Variants in GNAL observed in about 807,000 individuals in gnomAD.
GNAL encodes guanine nucleotide-binding protein G(olf) subunit alpha.
GNAL carries 18 observed loss-of-function variants against 55.1 expected under a neutral mutation model. The ratio of observed to expected loss-of-function variants is 0.33; its 90% CI spans 0.23 to 0.48. The LOEUF is 0.48. GNAL is among the 20% of genes least tolerant of loss of function. The probability of loss-of-function intolerance (pLI) is 0.99; values close to 1 mark genes in which losing one functional copy is unlikely to be tolerated. For missense variants in GNAL, 412 were observed against 614.1 expected (o/e 0.67, Z 3.48); for synonymous variants, 253 against 237.0 (o/e 1.07, Z -0.62).
chr18:11,836,918 C>A (rs1184366378), intron 5 of GNAL, among the ~76,000 whole-genome samples: 1 of 152,180 alleles, frequency 6.6e-6, no homozygotes, highest in African/African-American at 2.4e-5. Context: ...ACATCTCCAT[C>A]CACTTCATAT....
chr18:11,868,543 A>G lies in GNAL; in HGVS notation c.911A>G (p.Asp304Gly). The change falls in exon 9 of 12, where the codon GAT (aspartate) becomes GGT (glycine). Residue 304 changes from aspartate to glycine, a missense_variant and splice_region_variant. Asp to Gly is a moderately conservative substitution (Grantham distance 94). Transcript: ENST00000334049. The surrounding 1 kb of genome is among the most constrained non-coding windows in gnomAD (Gnocchi z 4.0). Reference protein sequence around the residue: ...ERRKWIQCFNDVTAIIYVAAC... With the variant: ...ERRKWIQCFNGVTAIIYVAAC... ...TGCTTTCCTTTTTCTCCCCACCAAG[A>G]TGTCACAGCTATCATTTACGTCGCA... 6.2e-7 allele frequency: 1 copy of G among 1,609,100 alleles called. No individual in the cohort carries two copies. Among genetic ancestry groups the G allele is most frequent in the Non-Finnish European group, 8.5e-7 (1 of 1,178,202 alleles).
intron 5 of GNAL, among the ~76,000 whole-genome samples, chr18:11,860,470 T>C (rs958834810): frequency 1.3e-5 from 2 of 152,220 alleles, no homozygotes; most frequent in Non-Finnish European, 1.5e-5. Flanking sequence ...ACTTCCCTCT[T>C]TCCCATTAGG....
At chr18:11,722,055 A>G (rs1332992732) in intron 1 of GNAL, among the ~76,000 whole-genome samples, 2 of 152,198 alleles carry the variant, frequency 1.3e-5, no homozygotes, top group African/African-American at 4.8e-5. Context: ...CATCGGTGTT[A>G]ACATCACTAG....
intron 4 of GNAL, among the ~76,000 whole-genome samples, chr18:11,812,791 C>T (rs1598481576): frequency 6.6e-6 from 1 of 151,526 alleles, no homozygotes; most frequent in Non-Finnish European, 1.5e-5. Context: ...TGTAGTGAGC[C>T]GAGCTCGCAC....
intron 5 of GNAL, among the ~76,000 whole-genome samples, chr18:11,826,512 A>G (rs9959605): frequency 0.3 from 46,250 of 152,088 alleles, 8,405 homozygotes; most frequent in African/African-American, 0.51. Flanking sequence ...AGCTACAGCA[A>G]CCAGCCATCC....
At chr18:11,877,528 T>TTATC (rs775420100) in intron 11 of GNAL, among the ~76,000 whole-genome samples, 3 of 152,188 alleles carry the variant, frequency 2.0e-5, no homozygotes, top group Non-Finnish European at 4.4e-5. Context: ...CACATATGCT[T>TTATC]TATCTGTCTA....
In GNAL at chr18:11,716,197, T is replaced by C. The variant is rs11875432; in HGVS notation, c.376+26258T>C. Among the ~76,000 whole-genome samples the C allele has an allele frequency of 7.8e-3, 1,187 of 152,246 alleles. 19 individuals carry two copies. Among genetic ancestry groups the C allele is most frequent in the African/African-American group, 0.027 (1,103 of 41,524 alleles). On this transcript the variant is annotated intron_variant, in intron 1 of 11. Transcript: ENST00000334049. Reference sequence around the variant, plus strand: ...ATAATCCTACTGTGTCCGGAATTGGTGGGTTCTTGGTCTCACTGACTTCAA... The same window carrying C: ...ATAATCCTACTGTGTCCGGAATTGGCGGGTTCTTGGTCTCACTGACTTCAA...
rs2031189864 is a variant in GNAL, at chr18:11,690,019, G to A, written c.376+80G>A. 3 of 859,718 alleles carry A rather than the reference G, an allele frequency of 3.5e-6. No individual in the cohort carries two copies. In the Admixed American group the frequency reaches 1.4e-4, roughly 39 times the overall value. 53.3% of individuals were successfully genotyped at this position (859,718 alleles called of 1,614,324 possible). On this transcript the variant is annotated intron_variant, in intron 1 of 11. Transcript: ENST00000334049. ...CGGGGGCGGCGGGCACCGGGGAGCG[G>A]TGGCGGGCACCGGGGAGCGGCGGCG...
rs995977161 is a variant in GNAL, at chr18:11,770,642, G to GGA, written c.624+16699_624+16700dup. ...CAGGTTGCATTTTTTTTAATCCACA[G>GGA]GAGTGTACCATTACCCTAAAGAATA... On this transcript the variant is annotated intron_variant, in intron 4 of 11. Transcript: ENST00000334049. Among the ~76,000 whole-genome samples the GGA allele has an allele frequency of 4.8e-4, 73 of 152,094 alleles. 1 individual carries two copies. Among genetic ancestry groups the GGA allele is most frequent in the African/African-American group, 1.7e-3 (71 of 41,494 alleles).
At chr18:11,784,230 T>C (rs1263523492) in intron 4 of GNAL, among the ~76,000 whole-genome samples, 2 of 152,264 alleles carry the variant, frequency 1.3e-5, no homozygotes, top group Non-Finnish European at 2.9e-5. Flanking sequence ...CTTCACTGCA[T>C]TGTGTTTCTG....
At chr18:11,739,087 G>A (rs1425604416) in intron 1 of GNAL, among the ~76,000 whole-genome samples, 3 of 152,192 alleles carry the variant, frequency 2.0e-5, no homozygotes, top group African/African-American at 7.2e-5. Flanking sequence ...AGTGCCCTGC[G>A]CAGCCTAGAT....
At chr18:11,759,727 C>A (rs1342751878) in intron 4 of GNAL, among the ~76,000 whole-genome samples, 7 of 152,230 alleles carry the variant, frequency 4.6e-5, no homozygotes, top group Non-Finnish European at 1.0e-4. Context: ...CCAGGGAGTG[C>A]CATGCAGAGC....
At chr18:11,851,034 G>A (rs1218208066) in intron 5 of GNAL, among the ~76,000 whole-genome samples, 1 of 152,196 alleles carries the variant, frequency 6.6e-6, no homozygotes, top group Non-Finnish European at 1.5e-5. Context: ...GCTGATGTTT[G>A]GCTGGTTTTT....
intron 1 of GNAL, among the ~76,000 whole-genome samples, chr18:11,706,910 A>G (rs778658495): frequency 2.0e-5 from 3 of 152,198 alleles, no homozygotes; most frequent in African/African-American, 4.8e-5. Context: ...GTTGCAATCA[A>G]CTTCTTCCAA....
In GNAL at chr18:11,765,937, C is replaced by T. The variant is rs1033572574; in HGVS notation, c.624+11992C>T. ...TGTTGTTCATCTCTAAGGACCCTTG[C>T]TCTTTTCAGAAGAATATGGCGTTAA... On this transcript the variant is annotated intron_variant, in intron 4 of 11. Transcript: ENST00000334049. Among the ~76,000 whole-genome samples, 31 of 152,180 alleles carry T rather than the reference C, an allele frequency of 2.0e-4. 1 individual carries two copies. Among genetic ancestry groups the T allele is most frequent in the Non-Finnish European group, 2.9e-5 (2 of 68,034 alleles).
intron 4 of GNAL, among the ~76,000 whole-genome samples, chr18:11,788,936 T>TATATATATATATATAC (rs1219351502): frequency 7.8e-6 from 1 of 128,914 alleles, no homozygotes; most frequent in Non-Finnish European, 1.6e-5. Flanking sequence ...TATATATATA[T>TATATATATATATATAC]ACACATATAT....
intron 4 of GNAL, among the ~76,000 whole-genome samples, chr18:11,771,147 G>A (rs1676959228): frequency 6.6e-6 from 1 of 151,788 alleles, no homozygotes. Context: ...GAACCTGGGA[G>A]GCAGAGGTTA....
chr18:11,860,444 T>C (rs1034902545), intron 5 of GNAL, among the ~76,000 whole-genome samples: 3 of 152,196 alleles, frequency 2.0e-5, no homozygotes, highest in African/African-American at 7.2e-5. Flanking sequence ...TTGACCTCTG[T>C]AGGGAAGGAA....
rs573272566 is a variant in GNAL at position 11,845,046 on chromosome 18, A to C, written c.723-17349A>C. On this transcript the variant is annotated intron_variant, in intron 5 of 11. Transcript: ENST00000334049. ...ACACCCGGCTGATTTTTGTATTTTT[A>C]GTAAAGACAGGGTTTCACCATGTTA... Among the ~76,000 whole-genome samples, 4 of 152,006 alleles carry C rather than the reference A, an allele frequency of 2.6e-5. No individual in the cohort carries two copies. In the South Asian group the frequency reaches 8.3e-4, roughly 32 times the overall value.
Sources: gnomAD v4.1 joint callset for allele counts (sites outside exome capture counted in the v4.1 genomes callset) on GRCh38, gnomAD v4.1.1 for gene constraint, Gnocchi (gnomAD v3.1) non-coding constraint, MANE v1.5 for transcripts, NCBI Gene and HGNC (gene_info 2026-07-23, HGNC 2026-07-21) for gene names.